ETV7: variants seen among roughly 807,000 people sequenced by gnomAD.
The protein encoded by ETV7 is ETS variant transcription factor 7.
In ETV7, 43 loss-of-function variants were observed where a neutral mutation model predicts 39.1. The observed-to-expected ratio is 1.10, with a 90% CI of 0.86 to 1.42. The LOEUF is 1.42. ETV7 is among the 40% of genes most tolerant of loss of function. The probability of loss-of-function intolerance (pLI) is 0.00; values close to 1 mark genes in which losing one functional copy is unlikely to be tolerated. For synonymous variants in ETV7, 196 were observed against 176.6 expected, an observed-to-expected ratio of 1.11 and a Z score of -0.87; for missense variants, 432 against 442.3, an observed-to-expected ratio of 0.98 and a Z score of 0.21.
chr6:36,356,780 G>A (rs765267819), intron 7 of ETV7, among the ~76,000 whole-genome samples: 36 of 152,334 alleles, frequency 2.4e-4, no homozygotes, highest in Non-Finnish European at 4.4e-4. Context: ...CCAGGAGGAT[G>A]GTAGATGGAA....
downstream of ETV7, among the ~76,000 whole-genome samples, chr6:36,364,565 C>T (rs909805424): frequency 8.5e-5 from 13 of 152,280 alleles, no homozygotes; most frequent in Non-Finnish European, 2.9e-5. Context: ...GAAAGTTCAG[C>T]TGGCCCGCAA....
At chr6:36,362,022 G>T (rs989224754), downstream of ETV7, among the ~76,000 whole-genome samples, 1 of 152,164 alleles carries the variant, frequency 6.6e-6, no homozygotes, top group African/African-American at 2.4e-5. Flanking sequence ...GGTGTGGCCG[G>T]GCGCGGTGGC....
intron 1 of ETV7, among the ~76,000 whole-genome samples, chr6:36,386,602 A>T (rs1773913096): frequency 6.6e-6 from 1 of 152,228 alleles, no homozygotes; most frequent in Non-Finnish European, 1.5e-5. Flanking sequence ...TTTTCACTCT[A>T]GGATTGTCAA....
At chr6:36,383,656 C>G (rs1327386739) in intron 2 of ETV7, among the ~76,000 whole-genome samples, 1 of 152,178 alleles carries the variant, frequency 6.6e-6, no homozygotes, top group African/African-American at 2.4e-5. Flanking sequence ...CCCAACAGGG[C>G]TGAAAAGTCG....
intron 4 of ETV7, among the ~76,000 whole-genome samples, chr6:36,373,249 A>G (rs1240375014): frequency 6.8e-6 from 1 of 146,258 alleles, no homozygotes; most frequent in Non-Finnish European, 1.5e-5. Context: ...GAGAGAGCAG[A>G]GAATGGGGAG....
At chr6:36,381,125 G>A (rs1366530158) in intron 2 of ETV7, among the ~76,000 whole-genome samples, 1 of 152,184 alleles carries the variant, frequency 6.6e-6, no homozygotes, top group Non-Finnish European at 1.5e-5. Context: ...AACCAAATCA[G>A]AATGAACAGC....
chr6:36,363,271 C>G (rs554880193), downstream of ETV7, among the ~76,000 whole-genome samples: 3 of 151,474 alleles, frequency 2.0e-5, no homozygotes, highest in African/African-American at 7.3e-5. Flanking sequence ...TTCAGAGTTT[C>G]TTCCTTCTGG....
downstream of ETV7, among the ~76,000 whole-genome samples, chr6:36,363,264 A>G (rs1271830849): frequency 3.9e-5 from 6 of 151,984 alleles, no homozygotes; most frequent in African/African-American, 1.2e-4. Flanking sequence ...CGACGTGTTC[A>G]GAGTTTCTTC....
chr6:36,362,469 TTG>T (rs1772525307), downstream of ETV7, among the ~76,000 whole-genome samples: 1 of 151,970 alleles, frequency 6.6e-6, no homozygotes, highest in Admixed American at 6.6e-5. Context: ...AAAAAAAAAT[TTG>T]TGAGAAGTTC....
At chr6:36,377,800 A>C (rs893608822) in intron 2 of ETV7, among the ~76,000 whole-genome samples, 6 of 152,128 alleles carry the variant, frequency 3.9e-5, no homozygotes, top group African/African-American at 1.2e-4. Flanking sequence ...GAGGAGCCCC[A>C]CCACCAATAA....
chr6:36,375,721 G>C (rs1341151927), intron 3 of ETV7, 150 bp downstream of exon 3: 1 of 1,244,562 alleles, frequency 8.0e-7, no homozygotes, highest in Non-Finnish European at 1.1e-6. Context: ...AGATACACAC[G>C]TATGCAGAGG....
At chr6:36,385,466 A>G in intron 2 of ETV7, 68 bp downstream of exon 2, 1 of 1,596,820 alleles carries the variant, frequency 6.3e-7, no homozygotes, top group Middle Eastern at 1.7e-4. Flanking sequence ...ACAGAGCAAG[A>G]CCCTGGATCT....
chr6:36,385,637 A>T lies in ETV7; in HGVS notation c.39T>A (p.Pro13=). The T allele has an allele frequency of 6.2e-7, 1 of 1,613,584 alleles. No homozygotes were observed. Residue 13 remains proline, a synonymous_variant, in exon 2 of 8, where the codon CCT becomes CCA. Coordinates refer to ENST00000340181, the MANE Select transcript of ETV7 (RefSeq NM_016135.4). ...EGELAISPIS[P]VAAMPPLGTH... is the part of the protein sequence containing the mutation. The stretch of plus-strand genomic sequence containing the variant: ...TGCCTAGGGGAGGCATGGCTGCCAC[A>T]GGGCTTATAGGAGAAATAGCCAATT...
chr6:36,373,394 C>T, intron 4 of ETV7, 59 bp downstream of exon 4: 2 of 1,455,334 alleles, frequency 1.4e-6, no homozygotes, highest in Non-Finnish European at 1.8e-6. Flanking sequence ...GGATGTCCTG[C>T]CCTCCCAGTG....
At chr6:36,362,699 T>C (rs904701882), downstream of ETV7, among the ~76,000 whole-genome samples, 1 of 152,166 alleles carries the variant, frequency 6.6e-6, no homozygotes, top group East Asian at 1.9e-4. Flanking sequence ...GGAGAAAAGG[T>C]GGCATGGCCT....
At chr6:36,354,606 T>A in exon 8 of ETV7, 1 of 690,818 alleles carries the variant, frequency 1.4e-6, no homozygotes, top group Non-Finnish European at 2.6e-6. Flanking sequence ...CCTCCAACTT[T>A]GTTTTTCTTT....
chr6:36,384,459 C>T (rs1254947608), intron 2 of ETV7, among the ~76,000 whole-genome samples: 1 of 152,154 alleles, frequency 6.6e-6, no homozygotes, highest in Non-Finnish European at 1.5e-5. Context: ...TTAATTCATT[C>T]AATAGATATT....
At chr6:36,387,411 G>A in intron 1 of ETV7, 125 bp downstream of exon 1, 1 of 1,364,162 alleles carries the variant, frequency 7.3e-7, no homozygotes, top group Non-Finnish European at 1.0e-6. Context: ...GAATGTGTTG[G>A]AAAGAGAGAT....
intron 2 of ETV7, among the ~76,000 whole-genome samples, chr6:36,378,250 A>C (rs1332290061): frequency 1.3e-5 from 2 of 151,786 alleles, no homozygotes; most frequent in Non-Finnish European, 2.9e-5. Flanking sequence ...GAAAAAAAAA[A>C]AAAAAACCTG....
Sources: gnomAD v4.1 joint callset for allele counts (sites outside exome capture counted in the v4.1 genomes callset) on GRCh38, gnomAD v4.1.1 for gene constraint, MANE v1.5 for transcripts, NCBI Gene and HGNC (gene_info 2026-07-23, HGNC 2026-07-21) for gene names.